Variants in NRG1 observed in about 807,000 individuals in gnomAD.
NRG1 encodes the protein pro-neuregulin-1, membrane-bound isoform.
In NRG1, 18 loss-of-function variants were observed where a neutral mutation model predicts 63.8. That is an observed-to-expected ratio of 0.28 (90% CI 0.19 to 0.42). NRG1 has a LOEUF of 0.42. NRG1 is among the 10% of genes least tolerant of loss of function. The pLI is 1.00. For missense variants in NRG1, 762 were observed against 814.7 expected, an observed-to-expected ratio of 0.94 and a Z score of 0.79; for synonymous variants, 302 against 301.3, an observed-to-expected ratio of 1.00 and a Z score of -0.02.
chr8:31,966,245 C>G (rs1360992150), intron 1 of NRG1, among the ~76,000 whole-genome samples: 1 of 5,334 alleles, frequency 1.9e-4, no homozygotes, highest in Non-Finnish European at 5.0e-4. Context: ...GTTTCTGCAA[C>G]ACCTATATCT....
intron 1 of NRG1, among the ~76,000 whole-genome samples, chr8:31,713,425 A>G (rs2131268004): frequency 6.6e-6 from 1 of 152,052 alleles, no homozygotes; most frequent in Non-Finnish European, 1.5e-5. Context: ...CACTCCTTCT[A>G]ATTTTTAACA....
chr8:31,680,123 A>G (rs558336414), intron 1 of NRG1, among the ~76,000 whole-genome samples: 1 of 151,884 alleles, frequency 6.6e-6, no homozygotes, highest in South Asian at 2.1e-4. Context: ...TTCTCCTAAA[A>G]TTGTTTATTT....
At chr8:32,149,680 G>A (rs2131814409) in intron 1 of NRG1, among the ~76,000 whole-genome samples, 1 of 152,292 alleles carries the variant, frequency 6.6e-6, no homozygotes, top group South Asian at 2.1e-4. Context: ...AAAGAAAAAG[G>A]CGGAAGAATG....
At chr8:32,338,536 A>G (rs1231951122) in intron 1 of NRG1, among the ~76,000 whole-genome samples, 1 of 152,126 alleles carries the variant, frequency 6.6e-6, no homozygotes, top group African/African-American at 2.4e-5. Flanking sequence ...ACAAGCAGTC[A>G]AGTGAGTCTC....
intron 7 of NRG1, among the ~76,000 whole-genome samples, chr8:32,745,995 A>C (rs1827358348): frequency 6.6e-6 from 1 of 152,192 alleles, no homozygotes; most frequent in Non-Finnish European, 1.5e-5. Flanking sequence ...TGGATTTCTA[A>C]ATGCAACCTG....
chr8:31,806,820 A>G (rs920015947), intron 1 of NRG1, among the ~76,000 whole-genome samples: 1 of 152,234 alleles, frequency 6.6e-6, no homozygotes, highest in South Asian at 2.1e-4. Context: ...TTTTCTAATA[A>G]GACCAACCCA....
rs541503535 is a variant in NRG1 at position 32,754,668 on chromosome 8, C to G, written c.794+194C>G. On this transcript the variant is annotated intron_variant, in intron 8 of 11. Coordinates refer to ENST00000356819, the Ensembl canonical transcript of NRG1. ...AACACAGAAATAGAAAGCTGTTTGC[C>G]TATTCATGTAAAGATTTCTGTTCAA... 4.6e-5 allele frequency among the ~76,000 whole-genome samples: 7 copies of G among 152,084 alleles called. No homozygotes were observed. In the South Asian group the frequency reaches 1.5e-3, roughly 32 times the overall value.
chr8:32,531,784 A>C (rs982633245), intron 1 of NRG1, among the ~76,000 whole-genome samples: 1 of 152,208 alleles, frequency 6.6e-6, no homozygotes, highest in Non-Finnish European at 1.5e-5. Flanking sequence ...TCTACCTCAT[A>C]GGGTTATCGT....
intron 1 of NRG1, among the ~76,000 whole-genome samples, chr8:32,133,175 T>C (rs1835072118): frequency 6.6e-6 from 1 of 152,138 alleles, no homozygotes. Flanking sequence ...CCCAGTTCTA[T>C]GCACATGTTT....
At chr8:32,503,944 G>A (rs868631404) in intron 1 of NRG1, among the ~76,000 whole-genome samples, 20 of 152,270 alleles carry the variant, frequency 1.3e-4, no homozygotes, top group Middle Eastern at 3.4e-3. Context: ...CTTGGGGTGG[G>A]CTGTCCACAT....
chr8:32,473,045 A>T (rs1563511860), intron 1 of NRG1, among the ~76,000 whole-genome samples: 2 of 152,216 alleles, frequency 1.3e-5, no homozygotes, highest in Admixed American at 6.5e-5. Context: ...AGGAAGAATG[A>T]AGTCTTTGCT....
At chr8:32,280,688 TTTG>T (rs1351498470) in intron 1 of NRG1, among the ~76,000 whole-genome samples, 9,011 of 95,436 alleles carry the variant, frequency 0.094, 1,189 homozygotes, top group East Asian at 0.26. Flanking sequence ...AGGTTTTTTT[TTTG>T]TTTTTTTTTT....
In NRG1 at chr8:31,863,380, T is replaced by C. The variant is rs564861704; in HGVS notation, c.37+223949T>C. On this transcript the variant is annotated intron_variant, in intron 1 of 10. Transcript: ENST00000519301. ...TTTATTAGGGGAAGGGGGAGAATCA[T>C]CACAATCATCTAAAACTGTTTTGTT... Among the ~76,000 whole-genome samples, 33 of 152,312 alleles carry C rather than the reference T, an allele frequency of 2.2e-4. 1 individual carries two copies. In the South Asian group the frequency reaches 6.6e-3, roughly 31 times the overall value.
chr8:32,769,201 C>T (rs117990325), downstream of NRG1, among the ~76,000 whole-genome samples: 861 of 152,140 alleles, frequency 5.7e-3, 4 homozygotes, highest in South Asian at 0.011. Flanking sequence ...GGCTTTGTAA[C>T]GAAATTGAAC....
exon 12 of NRG1, chr8:32,765,934 A>G (rs1234859875): frequency 6.6e-6 from 1 of 152,184 alleles, no homozygotes; most frequent in Middle Eastern, 3.2e-3. Context: ...GGAAGAAAAA[A>G]AATTATTTGA....
chr8:32,087,826 G>A (rs1352253586), intron 1 of NRG1, among the ~76,000 whole-genome samples: 1 of 152,170 alleles, frequency 6.6e-6, no homozygotes, highest in Non-Finnish European at 1.5e-5. Flanking sequence ...AAATCATGCA[G>A]CATTTGTCGT....
At chr8:31,673,169 A>T (rs1047713584) in intron 1 of NRG1, among the ~76,000 whole-genome samples, 1 of 152,112 alleles carries the variant, frequency 6.6e-6, no homozygotes, top group Non-Finnish European at 1.5e-5. Flanking sequence ...AAACTTGCAG[A>T]TACTCAGACA....
Position 31,768,124 on chromosome 8 carries a change from G to C in NRG1, c.37+128693G>C, listed in dbSNP as rs541769442. ...CATCAGAGATTCAAAGAAGTAGAAT[G>C]GGAGAGAGAAGGAGTTATATTTTTT... is the stretch of plus-strand genomic sequence containing the variant. On this transcript the variant is annotated intron_variant, in intron 1 of 10. Coordinates refer to the NRG1 transcript ENST00000519301. 3.6e-4 allele frequency among the ~76,000 whole-genome samples: 55 copies of C among 152,220 alleles called. 1 individual carries two copies. The highest frequency in any genetic ancestry group is 1.2e-3 in the African/African-American group (48 of 41,540).
chr8:32,642,796 A>G (rs1852677714), intron 5 of NRG1, among the ~76,000 whole-genome samples: 1 of 152,146 alleles, frequency 6.6e-6, no homozygotes, highest in South Asian at 2.1e-4. Context: ...GATTTTGGAG[A>G]TAATATTTTT....
Sources: allele counts gnomAD v4.1 joint callset (sites outside exome capture counted in the v4.1 genomes callset), GRCh38; gene constraint gnomAD v4.1.1; transcripts MANE v1.5; gene names NCBI Gene and HGNC (gene_info 2026-07-23, HGNC 2026-07-21).